PLCB4: variants seen among roughly 807,000 people sequenced by gnomAD.
PLCB4 encodes the protein phospholipase C beta 4.
PLCB4 carries 77 observed loss-of-function variants against 178.8 expected under a neutral mutation model. That is an observed-to-expected ratio of 0.43 (90% confidence interval 0.36 to 0.52). The LOEUF is 0.52. Ranked by LOEUF, PLCB4 falls within the 20% of genes least tolerant of loss-of-function variation. The pLI, the probability that PLCB4 is intolerant of heterozygous loss-of-function variation, is 0.00. For synonymous variants in PLCB4, 496 were observed against 490.8 expected (o/e 1.01, Z -0.14); for missense variants, 1,024 against 1,453.4 (o/e 0.70, Z 4.80).
At chr20:9,281,310 A>G (rs1379461326) in intron 3 of PLCB4, among the ~76,000 whole-genome samples, 2 of 152,026 alleles carry the variant, frequency 1.3e-5, no homozygotes, top group Non-Finnish European at 2.9e-5. Context: ...TTTAGAATGC[A>G]GTATTAGAAG....
At chr20:9,242,326 T>C (rs972177806) in intron 3 of PLCB4, among the ~76,000 whole-genome samples, 2 of 152,150 alleles carry the variant, frequency 1.3e-5, no homozygotes, top group Non-Finnish European at 1.5e-5. Context: ...GAAAGAGTCA[T>C]TATGAAGAGA....
At chr20:9,436,118 G>C (rs1019451577) in intron 29 of PLCB4, among the ~76,000 whole-genome samples, 25 of 152,196 alleles carry the variant, frequency 1.6e-4, no homozygotes, top group African/African-American at 5.5e-4. Context: ...CCTTCAGGCT[G>C]TGTATAAGTT....
intron 4 of PLCB4, among the ~76,000 whole-genome samples, chr20:9,319,173 A>T (rs2094932646): frequency 6.6e-6 from 1 of 152,234 alleles, no homozygotes; most frequent in Non-Finnish European, 1.5e-5. Context: ...AATATACAGC[A>T]CATGTTAAAA....
chr20:9,322,459 G>A lies in PLCB4; in HGVS notation c.84+14561G>A, dbSNP rs569353100. Among the ~76,000 whole-genome samples, 3 of 152,308 alleles carry A rather than the reference G, an allele frequency of 2.0e-5. No homozygotes were observed. The East Asian group carries it at 5.8e-4, about 29-fold the overall frequency. ...TTTCTCTTAAAGCCATAAATAGTAAGCACTTGCTCCGAAATGCTGCTTTGT... is the reference window on the plus strand; with the variant it reads ...TTTCTCTTAAAGCCATAAATAGTAAACACTTGCTCCGAAATGCTGCTTTGT... On this transcript the variant is annotated intron_variant, in intron 4 of 39. Coordinates refer to ENST00000378473, the MANE Select transcript of PLCB4 (RefSeq NM_001377142.1).
chr20:9,136,489 C>T (rs1444956690), intron 2 of PLCB4, among the ~76,000 whole-genome samples: 1 of 152,034 alleles, frequency 6.6e-6, no homozygotes, highest in Non-Finnish European at 1.5e-5. Context: ...GCTCCTAGGT[C>T]ACTGCTTGGG....
At chr20:9,074,626 G>A (rs1389204032) in intron 1 of PLCB4, among the ~76,000 whole-genome samples, 1 of 152,076 alleles carries the variant, frequency 6.6e-6, no homozygotes, top group Non-Finnish European at 1.5e-5. Flanking sequence ...CCACCATGAA[G>A]TACCAGATCT....
chr20:9,131,958 G>A (rs1464671871), intron 2 of PLCB4, among the ~76,000 whole-genome samples: 1 of 152,148 alleles, frequency 6.6e-6, no homozygotes, highest in Non-Finnish European at 1.5e-5. Flanking sequence ...TGAATGATGA[G>A]AGGCCGTCTC....
intron 2 of PLCB4, among the ~76,000 whole-genome samples, chr20:9,108,666 A>T (rs2091459095): frequency 6.6e-6 from 1 of 151,924 alleles, no homozygotes; most frequent in Non-Finnish European, 1.5e-5. Context: ...TGCCAAATAT[A>T]TTCCCTACCA....
chr20:9,276,890 T>C (rs1239463912), intron 3 of PLCB4, among the ~76,000 whole-genome samples: 1 of 151,998 alleles, frequency 6.6e-6, no homozygotes, highest in African/African-American at 2.4e-5. Context: ...TGAGTGATGA[T>C]TGTAATCCTG....
chr20:9,176,119 CT>C (rs2093150666), intron 2 of PLCB4, among the ~76,000 whole-genome samples: 1 of 152,058 alleles, frequency 6.6e-6, no homozygotes, highest in Admixed American at 6.5e-5. Flanking sequence ...ACTATGTATT[CT>C]TTTTATCTGG....
chr20:9,206,418 A>G (rs1418667960), intron 2 of PLCB4, among the ~76,000 whole-genome samples: 3 of 148,514 alleles, frequency 2.0e-5, no homozygotes, highest in African/African-American at 5.0e-5. Context: ...AACCACTCCC[A>G]TGGCATTCAG....
intron 39 of PLCB4, among the ~76,000 whole-genome samples, chr20:9,477,582 G>GT (rs11481001): frequency 0.085 from 12,914 of 151,800 alleles, 716 homozygotes; most frequent in East Asian, 0.3. Context: ...TTTGAATACT[G>GT]TTTGTGTCAT....
At chr20:9,143,625 C>T (rs969543240) in intron 2 of PLCB4, among the ~76,000 whole-genome samples, 7 of 152,114 alleles carry the variant, frequency 4.6e-5, no homozygotes, top group African/African-American at 1.7e-4. Context: ...TCAGAATTCA[C>T]ATTGCAGTTT....
At chr20:9,098,728 T>C (rs545801377) in intron 2 of PLCB4, among the ~76,000 whole-genome samples, 7 of 102,294 alleles carry the variant, frequency 6.8e-5, no homozygotes, top group East Asian at 3.0e-4. Context: ...TGTGTGTGTA[T>C]ATATATACAT....
intron 32 of PLCB4, among the ~76,000 whole-genome samples, chr20:9,444,444 G>A (rs562495361): frequency 6.6e-6 from 1 of 152,298 alleles, no homozygotes; most frequent in East Asian, 1.9e-4. Flanking sequence ...TCTTTCAAAT[G>A]CATAACAAAG....
chr20:9,210,856 G>T (rs1181988544), intron 2 of PLCB4, among the ~76,000 whole-genome samples: 2 of 152,080 alleles, frequency 1.3e-5, no homozygotes, highest in African/African-American at 4.8e-5. Context: ...AGTTTTGTCT[G>T]TTTTTTTCAC....
intron 36 of PLCB4, among the ~76,000 whole-genome samples, chr20:9,469,293 A>G (rs1383669794): frequency 6.6e-6 from 1 of 152,018 alleles, no homozygotes; most frequent in Non-Finnish European, 1.5e-5. Context: ...TAATCAATAT[A>G]ATTCTGAAGC....
chr20:9,267,572 G>A (rs2094361574), intron 3 of PLCB4, among the ~76,000 whole-genome samples: 2 of 151,402 alleles, frequency 1.3e-5, no homozygotes, highest in South Asian at 4.1e-4. Context: ...TAGAAAATCA[G>A]TTATTGACCT....
At chr20:9,070,609 A>G (rs758657581) in intron 1 of PLCB4, among the ~76,000 whole-genome samples, 1 of 152,248 alleles carries the variant, frequency 6.6e-6, no homozygotes, top group Non-Finnish European at 1.5e-5. Flanking sequence ...TAGTAGTTTA[A>G]TAAATGATTG....
Sources: allele counts gnomAD v4.1 joint callset (sites outside exome capture counted in the v4.1 genomes callset), GRCh38; gene constraint gnomAD v4.1.1; transcripts MANE v1.5; gene names NCBI Gene and HGNC (gene_info 2026-07-23, HGNC 2026-07-21).